Variants in NUDT9 observed in about 807,000 individuals in gnomAD.
NUDT9 encodes nudix hydrolase 9.
NUDT9 carries 31 observed loss-of-function variants against 41.0 expected under a neutral mutation model. The ratio of observed to expected loss-of-function variants is 0.76; its 90% CI spans 0.57 to 1.02. The LOEUF is 1.02. Among genes scored for constraint, NUDT9 ranks in the 50% least tolerant of loss-of-function variants. The pLI, the probability that NUDT9 is intolerant of heterozygous loss-of-function variation, is 0.00. For missense variants in NUDT9, 380 were observed against 431.4 expected, an observed-to-expected ratio of 0.88 and a Z score of 1.06; for synonymous variants, 146 against 147.6, an observed-to-expected ratio of 0.99 and a Z score of 0.08.
chr4:87,453,974 C>G (rs1183266912), intron 6 of NUDT9, among the ~76,000 whole-genome samples: 2 of 150,500 alleles, frequency 1.3e-5, no homozygotes, highest in Non-Finnish European at 2.9e-5. Context: ...TTTCTCCTGT[C>G]TTAGCCTCCC....
At position 87,445,983 on chromosome 4, in the gene NUDT9, T is replaced by TG. The variant is rs574333582; in HGVS notation, c.531-3158dup. Among the ~76,000 whole-genome samples the TG allele has an allele frequency of 1.1e-3, 167 of 151,534 alleles. 1 individual carries two copies. The highest frequency in any genetic ancestry group is 3.8e-3 in the African/African-American group (158 of 41,272). ...CTTGCTATGTTACCCTGGCTGGTCTTGAACTCCTGATCTCAAGCAGTCCTC... is the reference window on the plus strand; with the variant it reads ...CTTGCTATGTTACCCTGGCTGGTCTTGGAACTCCTGATCTCAAGCAGTCCTC... On this transcript the variant is annotated intron_variant, in intron 4 of 7. Coordinates refer to ENST00000302174, the MANE Select transcript of NUDT9 (RefSeq NM_024047.5).
At position 87,442,720 on chromosome 4, in the gene NUDT9, T is replaced by C. The variant is rs368295629; in HGVS notation, c.530+805T>C. The stretch of plus-strand genomic sequence containing the variant: ...TTCTTCTGTTTGTTTTTAAACTGTT[T>C]GTTAAAAACTAAGACACAAACACAC... On this transcript the variant is annotated intron_variant, in intron 4 of 7. Transcript: ENST00000302174. 2.5e-3 allele frequency among the ~76,000 whole-genome samples: 381 copies of C among 152,308 alleles called. 5 individuals are homozygous for C. The highest frequency in any genetic ancestry group is 8.8e-3 in the African/African-American group (364 of 41,572).
chr4:87,423,295 C>T (rs1229125433), intron 1 of NUDT9, among the ~76,000 whole-genome samples: 26 of 151,982 alleles, frequency 1.7e-4, no homozygotes, highest in Non-Finnish European at 3.2e-4. Flanking sequence ...GTGGTGGTGT[C>T]CCGTGCCATT....
chr4:87,438,984 T>G (rs1428303310), intron 3 of NUDT9, among the ~76,000 whole-genome samples: 1 of 151,870 alleles, frequency 6.6e-6, no homozygotes, highest in Non-Finnish European at 1.5e-5. Flanking sequence ...CTGACCAACA[T>G]GGAGAAACCC....
chr4:87,427,246 A>T (rs1398198389), intron 1 of NUDT9, among the ~76,000 whole-genome samples: 2 of 152,074 alleles, frequency 1.3e-5, no homozygotes, highest in Non-Finnish European at 2.9e-5. Context: ...TTTAGGTGTG[A>T]TTATGACAAT....
intron 1 of NUDT9, among the ~76,000 whole-genome samples, chr4:87,434,572 TTC>T (rs1721824468): frequency 6.6e-6 from 1 of 152,164 alleles, no homozygotes; most frequent in African/African-American, 2.4e-5. Flanking sequence ...AATTTTCTGA[TTC>T]TTAAAGGTTT....
At chr4:87,423,864 A>C (rs1721272881) in intron 1 of NUDT9, among the ~76,000 whole-genome samples, 1 of 152,200 alleles carries the variant, frequency 6.6e-6, no homozygotes. Context: ...AGTTGAGGGC[A>C]TGTGAGCAGG....
At chr4:87,439,631 G>A (rs2110173753) in intron 3 of NUDT9, among the ~76,000 whole-genome samples, 1 of 152,186 alleles carries the variant, frequency 6.6e-6, no homozygotes, top group East Asian at 1.9e-4. Context: ...ACTCCAGCCT[G>A]GGCAACAGAG....
intron 1 of NUDT9, among the ~76,000 whole-genome samples, chr4:87,424,973 G>A (rs1056698128): frequency 1.3e-5 from 2 of 152,134 alleles, no homozygotes; most frequent in Non-Finnish European, 2.9e-5. Flanking sequence ...AGCTTGAACC[G>A]GGGAGGTGGA....
At chr4:87,432,100 T>C (rs961594834) in intron 1 of NUDT9, among the ~76,000 whole-genome samples, 8 of 152,238 alleles carry the variant, frequency 5.3e-5, no homozygotes, top group African/African-American at 1.9e-4. Context: ...GTTTTCTACA[T>C]AAAACATCAT....
chr4:87,432,870 A>G (rs917038219), intron 1 of NUDT9, among the ~76,000 whole-genome samples: 2 of 152,120 alleles, frequency 1.3e-5, no homozygotes, highest in Non-Finnish European at 2.9e-5. Flanking sequence ...GTCATGGCAT[A>G]TAATCCTTTT....
intron 1 of NUDT9, among the ~76,000 whole-genome samples, chr4:87,426,652 G>A (rs1337184053): frequency 6.6e-6 from 1 of 151,454 alleles, no homozygotes; most frequent in East Asian, 2.0e-4. Flanking sequence ...CCTTGCGATC[G>A]CCTGCCTCGG....
intron 7 of NUDT9, among the ~76,000 whole-genome samples, chr4:87,456,774 C>CA (rs940831086): frequency 1.5e-4 from 23 of 151,840 alleles, no homozygotes; most frequent in African/African-American, 5.1e-4. Flanking sequence ...ACTAAGAATA[C>CA]AAAAAAATTA....
At chr4:87,433,901 T>G (rs928056709) in intron 1 of NUDT9, among the ~76,000 whole-genome samples, 3 of 152,212 alleles carry the variant, frequency 2.0e-5, no homozygotes, top group Non-Finnish European at 4.4e-5. Context: ...TATATTACAT[T>G]AGTTCATTTT....
At chr4:87,431,090 T>A (rs898930648) in intron 1 of NUDT9, among the ~76,000 whole-genome samples, 2 of 152,222 alleles carry the variant, frequency 1.3e-5, no homozygotes, top group African/African-American at 4.8e-5. Flanking sequence ...TTTAGGTCTT[T>A]GACCCACTTT....
intron 6 of NUDT9, among the ~76,000 whole-genome samples, chr4:87,452,602 C>A (rs922427198): frequency 2.6e-5 from 4 of 151,698 alleles, no homozygotes; most frequent in African/African-American, 9.7e-5. Context: ...AGGCAAACAC[C>A]ACCGCACTGG....
chr4:87,450,487 C>G lies in NUDT9; in HGVS notation c.643-1102C>G, dbSNP rs190283124. ...CTCCACCTCCTGGGTTCAAGCAATT[C>G]CCTGCCTCAGCCTCCCGAGTAGCTG... On this transcript the variant is annotated intron_variant, in intron 5 of 7. Transcript: ENST00000302174. Among the ~76,000 whole-genome samples the G allele has an allele frequency of 8.1e-3, 1,208 of 149,104 alleles. 18 individuals are homozygous for G. The highest frequency in any genetic ancestry group is 0.028 in the African/African-American group (1,152 of 40,444).
rs59228872 is a variant in NUDT9 at position 87,450,378 on chromosome 4, CTTTTTTTTTTTT to C, written c.642+1134_642+1145del. ...TTTAGGCTAATTTCTTTTTCTTTTT[CTTTTTTTTTTTT>C]TTTTTTTTGAGACGGAGTCTCACTC... On this transcript the variant is annotated intron_variant, in intron 5 of 7. Coordinates refer to ENST00000302174, the MANE Select transcript of NUDT9 (RefSeq NM_024047.5). 6.0e-4 allele frequency among the ~76,000 whole-genome samples: 61 copies of C among 102,334 alleles called. 2 individuals are homozygous for C. The highest frequency in any genetic ancestry group is 2.1e-3 in the African/African-American group (58 of 27,588). 67.1% of individuals were successfully genotyped at this position (102,334 alleles called of 152,430 possible).
In NUDT9 at chr4:87,453,223, C is replaced by T. The variant is rs116136922; in HGVS notation, c.790-1148C>T. 8.5e-3 allele frequency among the ~76,000 whole-genome samples: 1,290 copies of T among 152,164 alleles called. 10 individuals carry two copies. Among genetic ancestry groups the T allele is most frequent in the African/African-American group, 0.03 (1,225 of 41,506 alleles). Reference sequence around the variant, plus strand: ...TACGTTTGTGCTAGATGAATAGATCCAAATATCTTCATATATTAATAGCTT... The same window carrying T: ...TACGTTTGTGCTAGATGAATAGATCTAAATATCTTCATATATTAATAGCTT... On this transcript the variant is annotated intron_variant, in intron 6 of 7. Coordinates refer to ENST00000302174, the MANE Select transcript of NUDT9 (RefSeq NM_024047.5).
Sources: gnomAD v4.1 joint callset for allele counts (sites outside exome capture counted in the v4.1 genomes callset) on GRCh38, gnomAD v4.1.1 for gene constraint, MANE v1.5 for transcripts, NCBI Gene and HGNC (gene_info 2026-07-23, HGNC 2026-07-21) for gene names.